The following ENOX1 variants were observed in gnomAD, a reference collection of about 807,000 sequenced individuals.
ENOX1 encodes candidate growth-related and time keeping constitutive hydroquinone (NADH) oxidase.
Under a neutral mutation model 82.5 loss-of-function variants are expected in ENOX1, and 42 were observed. That is an observed-to-expected ratio of 0.51 (90% CI 0.40 to 0.66). ENOX1 has a LOEUF of 0.66. ENOX1 is among the 30% of genes least tolerant of loss of function. ENOX1 has a pLI of 0.00. For synonymous variants in ENOX1, 271 were observed against 282.2 expected (o/e 0.96, Z 0.40); for missense variants, 608 against 811.6 (o/e 0.75, Z 3.05).
intron 11 of ENOX1, among the ~76,000 whole-genome samples, chr13:43,314,617 G>C (rs1160590795): frequency 6.6e-6 from 1 of 152,214 alleles, no homozygotes; most frequent in Non-Finnish European, 1.5e-5. Flanking sequence ...TGTGCTAAGA[G>C]GCTGGTAACA....
chr13:43,723,217 T>C (rs1224781652), intron 1 of ENOX1, among the ~76,000 whole-genome samples: 1 of 152,136 alleles, frequency 6.6e-6, no homozygotes, highest in African/African-American at 2.4e-5. Flanking sequence ...CTTTTTATAT[T>C]TAAGCATCTT....
intron 11 of ENOX1, among the ~76,000 whole-genome samples, chr13:43,314,641 T>C (rs2047380519): frequency 6.6e-6 from 1 of 152,264 alleles, no homozygotes; most frequent in Non-Finnish European, 1.5e-5. Flanking sequence ...TATGTTTTAA[T>C]GTGGCCTAGT....
intron 2 of ENOX1, among the ~76,000 whole-genome samples, chr13:43,588,075 A>C (rs2081075601): frequency 6.6e-6 from 1 of 152,230 alleles, no homozygotes; most frequent in South Asian, 2.1e-4. Context: ...AAACGGGATA[A>C]GCTTAGCAAA....
intron 1 of ENOX1, among the ~76,000 whole-genome samples, chr13:43,684,079 G>C (rs1424666306): frequency 1.7e-5 from 2 of 118,332 alleles, no homozygotes; most frequent in East Asian, 5.6e-4. Context: ...CTGGGCGAAA[G>C]AGCGAGACTC....
intron 2 of ENOX1, among the ~76,000 whole-genome samples, chr13:43,623,932 C>T (rs2082857082): frequency 6.6e-6 from 1 of 152,136 alleles, no homozygotes; most frequent in East Asian, 1.9e-4. Flanking sequence ...TTCATTTCTC[C>T]AAGATAAATG....
chr13:43,416,255 G>C, intron 3 of ENOX1, among the ~76,000 whole-genome samples: 1 of 107,662 alleles, frequency 9.3e-6, no homozygotes, highest in Non-Finnish European at 1.8e-5. Flanking sequence ...GCCGGGCAGA[G>C]GTGCTCCCCA....
At chr13:43,387,747 T>C (rs1566093463) in intron 5 of ENOX1, among the ~76,000 whole-genome samples, 1 of 152,036 alleles carries the variant, frequency 6.6e-6, no homozygotes, top group East Asian at 1.9e-4. Flanking sequence ...CATATAAATA[T>C]GTAAATGCAC....
chr13:43,398,613 C>T (rs979652430), intron 5 of ENOX1, among the ~76,000 whole-genome samples: 13 of 151,994 alleles, frequency 8.6e-5, no homozygotes, highest in African/African-American at 2.7e-4. Context: ...AGTATGCCTG[C>T]CTCTCCTGCC....
rs566546222 is a variant in ENOX1 at position 43,754,354 on chromosome 13, T to A, written c.-285+32298A>T. ...ATATATATATTATTATTATTATTTA[T>A]TTTTTTTTTTTACTGTCACCCAGGC... On this transcript the variant is annotated intron_variant, in intron 1 of 16. Coordinates refer to ENST00000690772, the MANE Select transcript of ENOX1 (RefSeq NM_001347969.2). 9.7e-5 allele frequency among the ~76,000 whole-genome samples: 13 copies of A among 134,688 alleles called. No homozygotes were observed. In the East Asian group the frequency reaches 2.2e-3, roughly 23 times the overall value. 88.4% of individuals were successfully genotyped at this position (134,688 alleles called of 152,430 possible). A position where few individuals can be genotyped will look rare whatever the true frequency, so the allele number is the denominator to read the frequency against.
intron 2 of ENOX1, among the ~76,000 whole-genome samples, chr13:43,658,114 AG>A (rs2084533611): frequency 1.3e-5 from 2 of 152,216 alleles, no homozygotes; most frequent in South Asian, 4.1e-4. Context: ...CAGCCATTTC[AG>A]GCATATAAGA....
chr13:43,529,027 C>A (rs2078098182), intron 2 of ENOX1, among the ~76,000 whole-genome samples: 1 of 151,870 alleles, frequency 6.6e-6, no homozygotes, highest in Admixed American at 6.6e-5. Flanking sequence ...TTAAACGTTT[C>A]TGCTTGTTTT....
chr13:43,322,924 C>T lies in ENOX1; in HGVS notation c.1144-423G>A, dbSNP rs111321682. ...TGGACTGTTCTACCACTGACCCACA[C>T]GGTGTGACATTAGGAAGGATTCTTC... On this transcript the variant is annotated intron_variant, in intron 10 of 16. Coordinates refer to ENST00000690772, the MANE Select transcript of ENOX1 (RefSeq NM_001347969.2). Among the ~76,000 whole-genome samples, 50 of 152,322 alleles carry T rather than the reference C, an allele frequency of 3.3e-4. 1 individual carries two copies. Among genetic ancestry groups the T allele is most frequent in the African/African-American group, 8.9e-4 (37 of 41,570 alleles).
At chr13:43,785,763 C>CTT (rs1253865293) in intron 1 of ENOX1, among the ~76,000 whole-genome samples, 1 of 152,172 alleles carries the variant, frequency 6.6e-6, no homozygotes, top group African/African-American at 2.4e-5. Flanking sequence ...AACCACCCCC[C>CTT]TTCCGAAAGA....
At chr13:43,661,062 T>C (rs1291272678) in intron 2 of ENOX1, among the ~76,000 whole-genome samples, 1 of 152,214 alleles carries the variant, frequency 6.6e-6, no homozygotes, top group Non-Finnish European at 1.5e-5. Flanking sequence ...TTCGTGATGT[T>C]CAGGTTTTAA....
chr13:43,515,703 T>C (rs1307288854), intron 2 of ENOX1, among the ~76,000 whole-genome samples: 1 of 152,178 alleles, frequency 6.6e-6, no homozygotes, highest in African/African-American at 2.4e-5. Flanking sequence ...ACTATGCTAG[T>C]GCTACAGCTT....
At chr13:43,401,556 A>G (rs1286159057) in intron 5 of ENOX1, among the ~76,000 whole-genome samples, 2 of 152,178 alleles carry the variant, frequency 1.3e-5, no homozygotes. Context: ...GAAGGAGCCA[A>G]TCAGAGAGAG....
Position 43,543,265 on chromosome 13 carries a change from G to A in ENOX1, c.-218-59113C>T, listed in dbSNP as rs565508715. On this transcript the variant is annotated intron_variant, in intron 2 of 16. Transcript: ENST00000690772. ...AAAGAGAGGAGGGGAAAAATTGGGG[G>A]ATCAGATAGAGCCCTGTTTTCCAAA... Among the ~76,000 whole-genome samples, 637 of 152,184 alleles carry A rather than the reference G, an allele frequency of 4.2e-3. 5 individuals are homozygous for A. The highest frequency in any genetic ancestry group is 0.026 in the South Asian group (126 of 4,808).
chr13:43,683,085 G>A (rs1412699671), intron 1 of ENOX1, among the ~76,000 whole-genome samples: 2 of 152,124 alleles, frequency 1.3e-5, no homozygotes, highest in Admixed American at 1.3e-4. Context: ...GGAATTGTCA[G>A]CCAAAATAAG....
At chr13:43,361,545 CT>C (rs2050508771) in intron 5 of ENOX1, 93 bp from the exon 6 acceptor site, 1 of 1,203,662 alleles carries the variant, frequency 8.3e-7, no homozygotes, top group African/African-American at 1.6e-5. Flanking sequence ...TGACTTTATA[CT>C]TTCTATTTTT....
Sources: gnomAD v4.1 joint callset for allele counts (sites outside exome capture counted in the v4.1 genomes callset) on GRCh38, gnomAD v4.1.1 for gene constraint, MANE v1.5 for transcripts, NCBI Gene and HGNC (gene_info 2026-07-23, HGNC 2026-07-21) for gene names.